Variants in CDH13 observed in about 807,000 individuals in gnomAD.
CDH13 encodes cadherin-13.
A neutral mutation model predicts 63.8 loss-of-function variants in CDH13; 24 were observed. That is an observed-to-expected ratio of 0.38 (90% CI 0.27 to 0.53). The LOEUF (loss-of-function observed/expected upper bound fraction) is 0.53. Ranked by LOEUF, CDH13 falls within the 20% of genes least tolerant of loss-of-function variation. CDH13 has a pLI of 0.85. For synonymous variants in CDH13, 503 were observed against 355.3 expected, an observed-to-expected ratio of 1.42 and a Z score of -4.67; for missense variants, 1,049 against 903.1, an observed-to-expected ratio of 1.16 and a Z score of -2.07.
At chr16:83,421,305 G>T (rs779879238) in intron 6 of CDH13, among the ~76,000 whole-genome samples, 9 of 152,186 alleles carry the variant, frequency 5.9e-5, no homozygotes, top group Non-Finnish European at 1.3e-4. Context: ...ATGAATTCCA[G>T]TACTAGATTA....
chr16:82,708,097 A>T (rs1407886357), intron 1 of CDH13, among the ~76,000 whole-genome samples: 2 of 152,116 alleles, frequency 1.3e-5, no homozygotes, highest in African/African-American at 4.8e-5. Flanking sequence ...GCTCATGTGT[A>T]TGTCTGCTTT....
At chr16:83,697,054 A>G (rs1905503203) in intron 10 of CDH13, among the ~76,000 whole-genome samples, 3 of 152,182 alleles carry the variant, frequency 2.0e-5, no homozygotes, top group East Asian at 3.9e-4. Flanking sequence ...GAACTGTGCA[A>G]ACATCATTCC....
At chr16:82,863,490 C>G (rs558510765) in intron 2 of CDH13, among the ~76,000 whole-genome samples, 3 of 152,300 alleles carry the variant, frequency 2.0e-5, no homozygotes, top group African/African-American at 7.2e-5. Context: ...ACACAGTCAT[C>G]TATTAGCTCT....
intron 10 of CDH13, among the ~76,000 whole-genome samples, chr16:83,723,151 G>A (rs961203483): frequency 1.3e-5 from 2 of 152,244 alleles, no homozygotes; most frequent in Middle Eastern, 6.3e-3. Context: ...TTAGGATGCT[G>A]ATGTGAGAAG....
At chr16:82,673,497 C>G (rs538668872) in intron 1 of CDH13, among the ~76,000 whole-genome samples, 2 of 152,202 alleles carry the variant, frequency 1.3e-5, no homozygotes, top group Admixed American at 6.5e-5. Context: ...TAGTGATGAA[C>G]AAGATGGACA....
intron 2 of CDH13, among the ~76,000 whole-genome samples, chr16:82,926,687 C>G (rs891342208): frequency 6.6e-6 from 1 of 152,190 alleles, no homozygotes; most frequent in Non-Finnish European, 1.5e-5. Context: ...GTGATTCTAG[C>G]TCTGCTGTAT....
chr16:83,154,171 C>T (rs1567883127), intron 4 of CDH13, among the ~76,000 whole-genome samples: 1 of 152,066 alleles, frequency 6.6e-6, no homozygotes, highest in Non-Finnish European at 1.5e-5. Flanking sequence ...TTGTCGTTTG[C>T]CATGACACGA....
At chr16:82,855,537 A>G (rs932432085) in intron 1 of CDH13, among the ~76,000 whole-genome samples, 2 of 152,104 alleles carry the variant, frequency 1.3e-5, no homozygotes, top group Admixed American at 6.5e-5. Context: ...CCAGTTATAG[A>G]TTTTCTGTTT....
intron 4 of CDH13, among the ~76,000 whole-genome samples, chr16:83,179,583 T>A (rs1300789152): frequency 7.3e-6 from 1 of 137,714 alleles, no homozygotes; most frequent in East Asian, 2.1e-4. Context: ...ACCCGGGAGG[T>A]GGAGCTTGCA....
intron 1 of CDH13, among the ~76,000 whole-genome samples, chr16:82,808,838 C>G (rs1435956247): frequency 2.6e-5 from 4 of 152,030 alleles, no homozygotes; most frequent in African/African-American, 7.2e-5. Flanking sequence ...GTGAGTCTGC[C>G]AAAAATTAAT....
intron 7 of CDH13, among the ~76,000 whole-genome samples, chr16:83,508,873 C>A (rs527553569): frequency 6.6e-6 from 1 of 152,156 alleles, no homozygotes. Context: ...CACAAGGTAC[C>A]GTGTAGAGCT....
intron 4 of CDH13, among the ~76,000 whole-genome samples, chr16:83,169,196 G>C (rs200029006): frequency 1.7e-5 from 2 of 119,544 alleles, no homozygotes; most frequent in African/African-American, 6.5e-5. Flanking sequence ...TTTTTTTTTT[G>C]AGACGGCATC....
chr16:83,569,102 C>T lies in CDH13; in HGVS notation c.961-33352C>T, dbSNP rs534888855. Among the ~76,000 whole-genome samples, 12 of 152,226 alleles carry T rather than the reference C, an allele frequency of 7.9e-5. No homozygotes were observed. The South Asian group carries it at 2.1e-3, about 26-fold the overall frequency. On this transcript the variant is annotated intron_variant, in intron 7 of 13. Coordinates refer to ENST00000567109, the MANE Select transcript of CDH13 (RefSeq NM_001257.5). ...CCTTCTGAACACCCTAGATTCCTGC[C>T]AAATATAATGTTATTCCACAAACCT...
intron 11 of CDH13, among the ~76,000 whole-genome samples, chr16:83,762,500 G>T (rs1395730085): frequency 6.6e-6 from 1 of 152,208 alleles, no homozygotes; most frequent in Non-Finnish European, 1.5e-5. Flanking sequence ...GTAGCAATTA[G>T]CACTGGCCAA....
chr16:83,469,332 G>T (rs114948900), intron 6 of CDH13, among the ~76,000 whole-genome samples: 1 of 152,146 alleles, frequency 6.6e-6, no homozygotes, highest in Non-Finnish European at 1.5e-5. Flanking sequence ...ATATTTCTTT[G>T]TGCTCAGTGA....
At chr16:83,327,741 C>T (rs753228163) in intron 5 of CDH13, among the ~76,000 whole-genome samples, 71 of 151,942 alleles carry the variant, frequency 4.7e-4, no homozygotes, top group Non-Finnish European at 5.4e-4. Context: ...TGAGGACAGA[C>T]GTGAATGAAA....
intron 10 of CDH13, among the ~76,000 whole-genome samples, chr16:83,707,547 T>C (rs1225165741): frequency 1.3e-5 from 2 of 152,180 alleles, no homozygotes; most frequent in Non-Finnish European, 2.9e-5. Flanking sequence ...TTTTTACCAT[T>C]CACTTTAAAA....
chr16:83,787,965 G>A (rs372519624), intron 13 of CDH13, among the ~76,000 whole-genome samples: 18 of 152,278 alleles, frequency 1.2e-4, no homozygotes, highest in African/African-American at 3.9e-4. Flanking sequence ...GGAGCAACTG[G>A]AACTCAAGAA....
chr16:83,745,438 G>T (rs1912485803), intron 10 of CDH13, among the ~76,000 whole-genome samples: 1 of 152,162 alleles, frequency 6.6e-6, no homozygotes, highest in Admixed American at 6.5e-5. Flanking sequence ...TGTCAATGCT[G>T]ACTGGAAGCC....
Sources: allele counts gnomAD v4.1 joint callset (sites outside exome capture counted in the v4.1 genomes callset), GRCh38; gene constraint gnomAD v4.1.1; transcripts MANE v1.5; gene names NCBI Gene and HGNC (gene_info 2026-07-23, HGNC 2026-07-21).